The following C1orf87 variants were observed in gnomAD, a reference collection of about 807,000 sequenced individuals.
C1orf87 encodes the protein uncharacterized protein C1orf87.
C1orf87 carries 58 observed loss-of-function variants against 60.5 expected under a neutral mutation model. That is an observed-to-expected ratio of 0.96 (90% CI 0.78 to 1.19). The LOEUF (loss-of-function observed/expected upper bound fraction) is 1.19, where lower values mean the gene tolerates loss of function less well. C1orf87 is among the 50% of genes most tolerant of loss of function. The probability of loss-of-function intolerance (pLI) is 0.00; values close to 1 mark genes in which losing one functional copy is unlikely to be tolerated. For synonymous variants in C1orf87, 236 were observed against 227.4 expected (o/e 1.04, Z -0.34); for missense variants, 673 against 638.6 (o/e 1.05, Z -0.58).
At chr1:60,024,691 G>C (rs1418190325) in intron 8 of C1orf87, among the ~76,000 whole-genome samples, 1 of 152,150 alleles carries the variant, frequency 6.6e-6, no homozygotes, top group African/African-American at 2.4e-5. Context: ...AGAATGCTGG[G>C]CTCTGCCTGA....
chr1:60,012,037 A>T (rs1249863775), intron 8 of C1orf87, among the ~76,000 whole-genome samples: 1 of 152,098 alleles, frequency 6.6e-6, no homozygotes, highest in African/African-American at 2.4e-5. Context: ...ATTAATAATT[A>T]TATAAAGATC....
At chr1:60,047,059 C>T (rs1445452657) in intron 3 of C1orf87, among the ~76,000 whole-genome samples, 1 of 152,082 alleles carries the variant, frequency 6.6e-6, no homozygotes, top group African/African-American at 2.4e-5. Flanking sequence ...TGCTTAATTC[C>T]TTTCGTTTTC....
intron 9 of C1orf87, among the ~76,000 whole-genome samples, chr1:60,003,568 G>GCAC (rs1645022821): frequency 6.6e-6 from 1 of 152,006 alleles, no homozygotes; most frequent in Non-Finnish European, 1.5e-5. Flanking sequence ...TCTAGGTAAG[G>GCAC]ATATTTTTAC....
Position 59,997,613 on chromosome 1 carries a change from G to A in C1orf87, c.1476C>T (p.Asn492=), listed in dbSNP as rs1644972274. The A allele has an allele frequency of 6.2e-7, 1 of 1,613,750 alleles. No individual in the cohort carries two copies. The highest frequency in any genetic ancestry group is 8.5e-7 in the Non-Finnish European group (1 of 1,179,756). ...GCTTTACAATTCATACTTCACCTGTGTTACTCAGATCACACAGGTAGAGGG... is the reference window on the plus strand; with the variant it reads ...GCTTTACAATTCATACTTCACCTGTATTACTCAGATCACACAGGTAGAGGG... ...ENALYLCDLS[N]TGVLEKERAR... is the part of the protein sequence containing the mutation. Residue 492 remains asparagine (N), a synonymous_variant, in exon 11 of 12, where the codon AAC becomes AAT. Coordinates refer to ENST00000371201, the MANE Select transcript of C1orf87 (RefSeq NM_152377.3).
At chr1:60,026,430 TTGATGAAA>T (rs1278878739) in intron 7 of C1orf87, among the ~76,000 whole-genome samples, 3 of 151,888 alleles carry the variant, frequency 2.0e-5, no homozygotes, top group South Asian at 2.1e-4. Context: ...TGATTAATAT[TTGATGAAA>T]TAAAGAAAAG....
rs181999886 is a variant in C1orf87 at position 60,033,564 on chromosome 1, G to A, written c.941C>T (p.Thr314Ile). 3.7e-6 allele frequency: 6 copies of A among 1,613,746 alleles called. No individual in the cohort carries two copies. Among genetic ancestry groups the A allele is most frequent in the African/African-American group, 1.3e-5 (1 of 75,030 alleles). ...GTCTATGTTGAGTCTGCCATTGGTT[G>A]TCCTTAGTGCCATCTTCAAAATCTC... Reference protein sequence around the residue: ...LLEILKMALRTTNGRLNIDNL... With the variant: ...LLEILKMALRITNGRLNIDNL... The change falls in exon 7 of 12, where the codon ACA becomes ATA. Residue 314 changes from threonine (T) to isoleucine (I), a missense_variant. Thr to Ile is a moderately conservative substitution (Grantham distance 89). Transcript: ENST00000371201.
chr1:60,009,327 G>A (rs1018289433), intron 9 of C1orf87, among the ~76,000 whole-genome samples: 8 of 124,764 alleles, frequency 6.4e-5, no homozygotes, highest in East Asian at 2.2e-4. Flanking sequence ...AGCTGAAACC[G>A]GCAAGAAAGA....
intron 11 of C1orf87, among the ~76,000 whole-genome samples, chr1:59,992,743 A>G (rs891208744): frequency 6.6e-6 from 1 of 152,170 alleles, no homozygotes; most frequent in African/African-American, 2.4e-5. Flanking sequence ...TGCAAGTACT[A>G]TTGTGCATGG....
At chr1:60,029,683 C>T in intron 7 of C1orf87, among the ~76,000 whole-genome samples, 1 of 145,752 alleles carries the variant, frequency 6.9e-6, no homozygotes, top group East Asian at 2.0e-4. Flanking sequence ...CTCTGTCACC[C>T]AGGCTGGAGT....
chr1:60,009,898 A>G (rs1215273331), intron 9 of C1orf87, among the ~76,000 whole-genome samples: 3 of 151,968 alleles, frequency 2.0e-5, no homozygotes, highest in Admixed American at 6.6e-5. Flanking sequence ...CGTTTTATCA[A>G]TTGGTTATAT....
chr1:60,061,694 T>C lies in C1orf87; in HGVS notation c.108-6256A>G, dbSNP rs953158846. On this transcript the variant is annotated intron_variant, in intron 2 of 11. Transcript: ENST00000371201. ...GTGGCTCACACGTATAATCTCATAC[T>C]TTGGGAGGCCTAGGTAAGAAGATCA... 2.0e-5 allele frequency among the ~76,000 whole-genome samples: 3 copies of C among 148,034 alleles called. No homozygotes were observed. The Admixed American group carries it at 2.1e-4, about 10-fold the overall frequency.
intron 4 of C1orf87, 106 bp from the exon 5 acceptor site, chr1:60,040,286 G>T (rs1234946047): frequency 5.7e-6 from 8 of 1,404,108 alleles, no homozygotes; most frequent in Non-Finnish European, 7.7e-6. Flanking sequence ...GTGTCCACTC[G>T]CAGTCCTGGC....
chr1:59,995,589 C>A (rs1644958329), intron 11 of C1orf87, among the ~76,000 whole-genome samples: 2 of 152,220 alleles, frequency 1.3e-5, no homozygotes, highest in African/African-American at 4.8e-5. Context: ...GATGACCTGT[C>A]CAACTGTCCA....
intron 2 of C1orf87, among the ~76,000 whole-genome samples, chr1:60,068,667 G>C (rs947885903): frequency 1.3e-5 from 2 of 152,180 alleles, no homozygotes. Flanking sequence ...TCTTGTCAAT[G>C]ATGAGAATGG....
In C1orf87 at chr1:60,039,599, A is replaced by G. The variant is rs535121689; in HGVS notation, c.747+318T>C. Among the ~76,000 whole-genome samples the G allele has an allele frequency of 3.3e-5, 5 of 152,356 alleles. No individual in the cohort carries two copies. The South Asian group carries it at 1.0e-3, about 32-fold the overall frequency. On this transcript the variant is annotated intron_variant, in intron 5 of 11. Transcript: ENST00000371201. ...TCAATTCTTACCTTGGGTCCTGCAG[A>G]CTAAGCTAGCTCATGAATGGACTTG...
intron 9 of C1orf87, among the ~76,000 whole-genome samples, chr1:60,001,469 G>T (rs568407714): frequency 6.6e-6 from 1 of 152,160 alleles, no homozygotes; most frequent in South Asian, 2.1e-4. Context: ...GGAGGCCGGG[G>T]TAACAGTGGT....
Position 60,041,084 on chromosome 1 carries a change from G to C in C1orf87, c.390C>G (p.Asp130Glu), listed in dbSNP as rs923577831. The C allele has an allele frequency of 2.5e-6, 4 of 1,612,522 alleles. No individual in the cohort carries two copies. Among genetic ancestry groups the C allele is most frequent in the Non-Finnish European group, 3.4e-6 (4 of 1,178,874 alleles). The change falls in exon 4 of 12, where the codon GAC becomes GAG. Residue 130 changes from aspartate (D) to glutamate (E), a missense_variant. Asp to Glu is a conservative substitution (Grantham distance 45). Coordinates refer to ENST00000371201, the MANE Select transcript of C1orf87 (RefSeq NM_152377.3). ...NVHCSSVPTG[D>E]QSLSYVHGIP... ...TGCCATGCACATAGGATAAGGACTG[G>C]TCTCCGGTTGGTACAGAGCTGCAGT...
At chr1:59,990,922 G>C in intron 11 of C1orf87, 89 bp from the exon 12 acceptor site, 1 of 1,323,468 alleles carries the variant, frequency 7.6e-7, no homozygotes, top group African/African-American at 1.5e-5. Context: ...TGACTTCCAG[G>C]TAAAGACTAA....
chr1:59,992,640 T>C (rs1037152053), intron 11 of C1orf87, among the ~76,000 whole-genome samples: 1 of 152,218 alleles, frequency 6.6e-6, no homozygotes. Flanking sequence ...CCTTGTCATT[T>C]TGCGGAAAGC....
Sources: allele counts gnomAD v4.1 joint callset (sites outside exome capture counted in the v4.1 genomes callset), GRCh38; gene constraint gnomAD v4.1.1; transcripts MANE v1.5; gene names NCBI Gene and HGNC (gene_info 2026-07-23, HGNC 2026-07-21).